Variants in ZNF521 observed in about 807,000 individuals in gnomAD.
The protein encoded by ZNF521 is LYST-interacting protein 3.
A neutral mutation model predicts 105.5 loss-of-function variants in ZNF521; 14 were observed. That is an observed-to-expected ratio of 0.13 (90% CI 0.09 to 0.21). The LOEUF (loss-of-function observed/expected upper bound fraction) is 0.21, where lower values mean the gene tolerates loss of function less well. Ranked by LOEUF, ZNF521 falls within the 10% of genes least tolerant of loss-of-function variation. The pLI, the probability that ZNF521 is intolerant of heterozygous loss-of-function variation, is 1.00. For missense variants in ZNF521, 1,233 were observed against 1,629.7 expected (o/e 0.76, Z 4.19); for synonymous variants, 635 against 606.0 (o/e 1.05, Z -0.70).
intron 3 of ZNF521, among the ~76,000 whole-genome samples, chr18:25,288,583 A>C (rs933735667): frequency 2.0e-5 from 3 of 150,648 alleles, no homozygotes; most frequent in African/African-American, 4.9e-5. Context: ...AAAAAAAAAA[A>C]AACCCAGCTT....
chr18:25,201,046 T>A (rs921317775), intron 4 of ZNF521: 5 of 152,018 alleles, frequency 3.3e-5, no homozygotes, highest in African/African-American at 1.2e-4. Context: ...GTGATTTTTT[T>A]TTTTTCTATG....
rs2034408572 is a variant in ZNF521, at chr18:25,120,342, G to A, written c.3659-28261C>T. Among the ~76,000 whole-genome samples, 2 of 152,138 alleles carry A rather than the reference G, an allele frequency of 1.3e-5. 1 individual carries two copies. Among genetic ancestry groups the A allele is most frequent in the Non-Finnish European group, 2.9e-5 (2 of 68,016 alleles). ...TCACACCTGTAATCCCAGCACTTTG[G>A]GAGGCCAAGGTGGGCAGATCACCCG... On this transcript the variant is annotated intron_variant, in intron 5 of 7. Transcript: ENST00000361524.
chr18:25,170,878 T>C (rs753857793), intron 5 of ZNF521, among the ~76,000 whole-genome samples: 6 of 152,144 alleles, frequency 3.9e-5, no homozygotes, highest in South Asian at 2.1e-4. Flanking sequence ...AGTTAAAAAT[T>C]TGTTTTGTGT....
intron 2 of ZNF521, among the ~76,000 whole-genome samples, chr18:25,331,884 T>TG (rs1913588810): frequency 1.1e-5 from 1 of 88,428 alleles, no homozygotes; most frequent in Non-Finnish European, 2.2e-5. Flanking sequence ...ACTTTGGACT[T>TG]GCTTTTTTCT....
At chr18:25,096,153 C>T (rs936312675) in intron 5 of ZNF521, among the ~76,000 whole-genome samples, 5 of 152,138 alleles carry the variant, frequency 3.3e-5, no homozygotes, top group Admixed American at 1.3e-4. Context: ...GGAATCAAGT[C>T]TACATAAAAG....
intron 3 of ZNF521, among the ~76,000 whole-genome samples, chr18:25,267,833 C>T (rs916597537): frequency 1.3e-5 from 2 of 152,242 alleles, no homozygotes; most frequent in African/African-American, 2.4e-5. Flanking sequence ...AGAAACAACA[C>T]AAAAAGCCTG....
rs771889793 is a variant in ZNF521, at chr18:25,225,413, G to A, written c.2505C>T (p.Phe835=). The A allele has an allele frequency of 1.1e-5, 17 of 1,613,968 alleles. No homozygotes were observed. The highest frequency in any genetic ancestry group is 1.6e-4 in the Middle Eastern group (1 of 6,084). ...EKHLREKHCV[F]ETKTPNCGTN... is the part of the protein sequence containing the mutation. ...TTCCACAGTTGGGTGTCTTGGTTTC[G>A]AATACACAGTGTTTTTCTCGCAAGT... Residue 835 remains phenylalanine, a synonymous_variant, in exon 4 of 8, where the codon TTC becomes TTT. Transcript: ENST00000361524. The surrounding 1 kb of genome is among the most constrained non-coding windows in gnomAD (Gnocchi z 5.6).
At position 25,062,103 on chromosome 18, in the gene ZNF521, G is replaced by GAA; in HGVS notation, c.*607_*608dup. On this transcript the variant is annotated 3_prime_UTR_variant, in exon 8 of 8. Coordinates refer to ENST00000361524, the MANE Select transcript of ZNF521 (RefSeq NM_015461.3). The stretch of plus-strand genomic sequence containing the variant: ...ACTCAAAGCTTCAAATGTATCCAGG[G>GAA]AAAAAAAAATTCTTTGACAGTCTAC... The GAA allele has an allele frequency of 5.0e-6, 1 of 198,946 alleles. No individual in the cohort carries two copies. The highest frequency in any genetic ancestry group is 1.0e-5 in the Non-Finnish European group (1 of 96,630). The allele number at this position is 198,946 out of a possible 1,614,324, so 12.3% of individuals were successfully genotyped here.
At chr18:25,318,320 T>C (rs933512975) in intron 3 of ZNF521, among the ~76,000 whole-genome samples, 1 of 152,164 alleles carries the variant, frequency 6.6e-6, no homozygotes, top group African/African-American at 2.4e-5. Context: ...TAGTGGAGCA[T>C]TATTGATCAG....
In ZNF521 at chr18:25,227,562, G is replaced by C; in HGVS notation, c.356C>G (p.Pro119Arg). ...AAACGACTTGTCACAGAATTGACAC[G>C]GGTATGGAAGCCCAGGGCCACCTTC... ...EEEGGPGLPY[P>R]CQFCDKSFSR... Residue 119 changes from proline to arginine, a missense_variant, in exon 4 of 8, where the codon CCG (proline) becomes CGG (arginine). Physicochemically the swap from Pro to Arg is moderately radical, Grantham distance 103. Around this residue, in one of 6 missense-constraint regions of ZNF521, gnomAD observed 85 missense variants for 162.2 expected, o/e 0.52. Coordinates refer to ENST00000361524, the MANE Select transcript of ZNF521 (RefSeq NM_015461.3). This position sits in a 1 kb window ranked among gnomAD's most constrained non-coding sequence, Gnocchi z 5.7. 1 of 1,614,126 alleles carries C rather than the reference G, an allele frequency of 6.2e-7. No individual in the cohort carries two copies. The highest frequency in any genetic ancestry group is 8.5e-7 in the Non-Finnish European group (1 of 1,180,018).
At chr18:25,250,594 C>A (rs545270323) in intron 3 of ZNF521, among the ~76,000 whole-genome samples, 1 of 152,150 alleles carries the variant, frequency 6.6e-6, no homozygotes, top group South Asian at 2.1e-4. Flanking sequence ...GTATGGGTGC[C>A]AGATTCTTCA....
chr18:25,174,439 G>T (rs935460888), intron 5 of ZNF521, among the ~76,000 whole-genome samples: 1 of 152,136 alleles, frequency 6.6e-6, no homozygotes. Context: ...CTCATAAGGG[G>T]ACCCAGGATT....
At chr18:25,271,357 G>T (rs1350284647) in intron 3 of ZNF521, among the ~76,000 whole-genome samples, 1 of 152,160 alleles carries the variant, frequency 6.6e-6, no homozygotes, top group African/African-American at 2.4e-5. Flanking sequence ...GTAATTTACA[G>T]ATTCAATGCT....
chr18:25,288,938 A>G (rs1910857330), intron 3 of ZNF521, among the ~76,000 whole-genome samples: 1 of 152,210 alleles, frequency 6.6e-6, no homozygotes, highest in Non-Finnish European at 1.5e-5. Flanking sequence ...AACAAAATAA[A>G]TATGTTTTCT....
At chr18:25,099,773 C>T (rs914438125) in intron 5 of ZNF521, among the ~76,000 whole-genome samples, 1 of 152,154 alleles carries the variant, frequency 6.6e-6, no homozygotes, top group Non-Finnish European at 1.5e-5. Flanking sequence ...TCTATTAATG[C>T]CCTTACATCT....
At chr18:25,316,763 T>C (rs1288533547) in intron 3 of ZNF521, among the ~76,000 whole-genome samples, 1 of 151,304 alleles carries the variant, frequency 6.6e-6, no homozygotes, top group Non-Finnish European at 1.5e-5. Flanking sequence ...CCCAAAGAAA[T>C]AATCCTGAAC....
chr18:25,114,144 G>A (rs2034256669), intron 5 of ZNF521, among the ~76,000 whole-genome samples: 2 of 152,108 alleles, frequency 1.3e-5, no homozygotes, highest in South Asian at 4.2e-4. Flanking sequence ...TTTCAGGGAG[G>A]GGTGGGGGTT....
intron 3 of ZNF521, among the ~76,000 whole-genome samples, chr18:25,239,028 C>G (rs1907123524): frequency 6.6e-6 from 1 of 152,132 alleles, no homozygotes; most frequent in Non-Finnish European, 1.5e-5. Flanking sequence ...GTTTGCTCCT[C>G]TGTAATGGAA....
At chr18:25,143,071 G>A (rs1306859116) in intron 5 of ZNF521, among the ~76,000 whole-genome samples, 1 of 152,096 alleles carries the variant, frequency 6.6e-6, no homozygotes, top group Non-Finnish European at 1.5e-5. Context: ...ATAACTAGAG[G>A]ACTTAATAAG....
Sources: allele counts gnomAD v4.1 joint callset (sites outside exome capture counted in the v4.1 genomes callset), GRCh38; gene constraint gnomAD v4.1.1; regional missense constraint gnomAD v4.1.1; non-coding constraint Gnocchi (gnomAD v3.1); transcripts MANE v1.5; gene names NCBI Gene and HGNC (gene_info 2026-07-23, HGNC 2026-07-21).